The following MADD variants were observed in gnomAD, a reference collection of about 807,000 sequenced individuals.
MADD encodes MAP kinase activating death domain, also known as MAP kinase-activating death domain protein.
MADD carries 109 observed loss-of-function variants against 176.7 expected under a neutral mutation model. That is an observed-to-expected ratio of 0.62 (90% CI 0.53 to 0.72). The LOEUF is 0.72. Among genes scored for constraint, MADD ranks in the 30% least tolerant of loss-of-function variants. The pLI is 0.00. For missense variants in MADD, 1,914 were observed against 2,045.5 expected (o/e 0.94, Z 1.24); for synonymous variants, 771 against 771.3 (o/e 1.00, Z 0.01).
intron 31 of MADD, chr11:47,328,419 G>T: frequency 7.0e-7 from 1 of 1,420,928 alleles, no homozygotes; most frequent in Non-Finnish European, 9.2e-7. Context: ...TCAAGTAAAC[G>T]CCACTGCGGA....
rs1025273684 is a variant in MADD at position 47,288,878 on chromosome 11, T to C, written c.2654-513T>C. 5 of 957,020 alleles carry C rather than the reference T, an allele frequency of 5.2e-6. No homozygotes were observed. In the Admixed American group the frequency reaches 1.2e-4, roughly 23 times the overall value. 59.3% of individuals were successfully genotyped at this position (957,020 alleles called of 1,614,324 possible). A position where few individuals can be genotyped will look rare whatever the true frequency, so the allele number is the denominator to read the frequency against. On this transcript the variant is annotated intron_variant, in intron 15 of 32. Transcript: ENST00000402192. ...GTGCATTCCTCAAGCTTTGGGAGAA[T>C]GCTCAGATTATCTGGCTTACTGCTC... is the stretch of plus-strand genomic sequence containing the variant.
At chr11:47,311,687 G>C in intron 25 of MADD, 45 bp from the exon 29 acceptor site, 1 of 1,188,020 alleles carries the variant, frequency 8.4e-7, no homozygotes, top group Non-Finnish European at 1.3e-6. Flanking sequence ...CCTCAGTCGG[G>C]AGGAGAGCAG....
rs118164882 is a variant in MADD at position 47,306,109 on chromosome 11, G to A, written c.3643-2482G>A. Among the ~76,000 whole-genome samples the A allele has an allele frequency of 7.0e-3, 1,067 of 152,280 alleles. 2 individuals carry two copies. The highest frequency in any genetic ancestry group is 0.012 in the Non-Finnish European group (800 of 68,008). Reference sequence around the variant, plus strand: ...GCTTCTTCACCTTAGGCACCAGGGAGGCCTGACTGCTCTGAGCAGTCTAAG... The same window carrying A: ...GCTTCTTCACCTTAGGCACCAGGGAAGCCTGACTGCTCTGAGCAGTCTAAG... On this transcript the variant is annotated intron_variant, in intron 22 of 32. Coordinates refer to ENST00000402192, the Ensembl canonical transcript of MADD.
chr11:47,306,880 T>A (rs933503632), intron 22 of MADD, among the ~76,000 whole-genome samples: 5 of 152,170 alleles, frequency 3.3e-5, no homozygotes, highest in African/African-American at 1.2e-4. Context: ...TGTAACTTTT[T>A]AAAAATGTTT....
chr11:47,292,518 C>T (rs753084402), intron 19 of MADD, 25 bp from the exon 21 acceptor site: 2 of 1,611,562 alleles, frequency 1.2e-6, no homozygotes, highest in African/African-American at 1.3e-5. Flanking sequence ...GTCTTTCTCT[C>T]CTGCTTGCAT....
chr11:47,308,797 A>G (rs2085344698), intron 23 of MADD, 98 bp downstream of exon 25: 2 of 1,112,516 alleles, frequency 1.8e-6, no homozygotes, highest in African/African-American at 3.1e-5. Flanking sequence ...CTTTCTGCTG[A>G]TCTTAATGCT....
intron 15 of MADD, 97 bp from the exon 16 acceptor site, chr11:47,288,871 G>T: frequency 1.1e-6 from 1 of 910,164 alleles, no homozygotes; most frequent in Non-Finnish European, 1.7e-6. Flanking sequence ...CTCAAGCTTT[G>T]GGAGAATGCT....
At chr11:47,279,064 A>G (rs2053553362) in exon 7 of MADD, 1 of 1,613,906 alleles carries the variant, frequency 6.2e-7, no homozygotes, top group African/African-American at 1.3e-5. Context: ...TAGAGCTGAA[A>G]AAGCATTTAA....
At chr11:47,272,537 G>A (rs910521453) in intron 1 of MADD, among the ~76,000 whole-genome samples, 3 of 152,116 alleles carry the variant, frequency 2.0e-5, no homozygotes, top group African/African-American at 7.2e-5. Context: ...GTCTTAGGCC[G>A]CATGTAGAGC....
At chr11:47,294,696 A>G (rs920359333) in intron 20 of MADD, among the ~76,000 whole-genome samples, 80 of 148,330 alleles carry the variant, frequency 5.4e-4, no homozygotes, top group Non-Finnish European at 9.2e-4. Flanking sequence ...AAAAAAAATG[A>G]ACAACCTCAA....
chr11:47,284,514 T>C (rs1396577666), exon 12 of MADD: 3 of 1,613,422 alleles, frequency 1.9e-6, no homozygotes, highest in Admixed American at 1.7e-5. Context: ...GCTCCAGCTC[T>C]AGCACCACAG....
rs148016422 is a variant in MADD, at chr11:47,290,215, C to G, written c.3010C>G (p.Gln1004Glu). The G allele has an allele frequency of 1.2e-5, 19 of 1,614,070 alleles. No individual in the cohort carries two copies. In the African/African-American group the frequency reaches 2.1e-4, roughly 18 times the overall value. The change falls in exon 18 of 33, where the codon CAG (glutamine) becomes GAG (glutamate). Residue 1004 changes from glutamine to glutamate, a missense_variant. Gln to Glu is a conservative substitution (Grantham distance 29, BLOSUM62 2). This residue lies in a region of MADD where 1,767 missense variants were observed against 1,836.0 expected (regional missense o/e 0.96). Transcript: ENST00000402192. ...CAAGTGTACAGTCCTCAGCTTGGAG[C>G]AGTCCTATGCCCACGCGGGTCTGGG...
intron 7 of MADD, among the ~76,000 whole-genome samples, chr11:47,281,205 A>G (rs568828176): frequency 1.3e-5 from 2 of 152,326 alleles, no homozygotes; most frequent in East Asian, 3.9e-4. Flanking sequence ...TCTGTTTTCA[A>G]ATTTCCATTC....
chr11:47,316,166 C>T (rs545462970), intron 27 of MADD, among the ~76,000 whole-genome samples: 3 of 124,808 alleles, frequency 2.4e-5, no homozygotes, highest in South Asian at 5.5e-4. Flanking sequence ...CGCGCGCACA[C>T]ACACGCGCAC....
intron 27 of MADD, 35 bp from the exon 31 acceptor site, chr11:47,323,636 C>T: frequency 3.1e-6 from 5 of 1,604,386 alleles, no homozygotes; most frequent in Non-Finnish European, 4.3e-6. Context: ...CTGTCAGAGA[C>T]AGGAACCACT....
chr11:47,278,969 G>A, intron 6 of MADD, 30 bp from the exon 7 acceptor site: 4 of 1,600,804 alleles, frequency 2.5e-6, no homozygotes, highest in Non-Finnish European at 3.4e-6. Flanking sequence ...AAACTCTAAG[G>A]TCACGTCTTT....
At chr11:47,305,568 A>C (rs1411977106) in intron 22 of MADD, among the ~76,000 whole-genome samples, 1 of 152,086 alleles carries the variant, frequency 6.6e-6, no homozygotes, top group African/African-American at 2.4e-5. Flanking sequence ...CCACGGAATG[A>C]GGCACCATGT....
chr11:47,290,656 A>T, exon 19 of MADD: 1 of 1,614,088 alleles, frequency 6.2e-7, no homozygotes, highest in Non-Finnish European at 8.5e-7. Context: ...TAAATACCCC[A>T]GTTGGCAAGG....
At chr11:47,289,056 TC>T in intron 15 of MADD, 29 bp downstream of exon 16, 13 of 1,568,720 alleles carry the variant, frequency 8.3e-6, no homozygotes, top group Non-Finnish European at 1.1e-5. Flanking sequence ...CTGTGCATGA[TC>T]TTTTTTTTTT....
Sources: gnomAD v4.1 joint callset for allele counts (sites outside exome capture counted in the v4.1 genomes callset) on GRCh38, gnomAD v4.1.1 for gene constraint, gnomAD v4.1.1 regional missense constraint, MANE v1.5 for transcripts, NCBI Gene and HGNC (gene_info 2026-07-23, HGNC 2026-07-21) for gene names.